Variants in ANAPC1 observed in about 807,000 individuals in gnomAD.
The protein encoded by ANAPC1 is anaphase-promoting complex subunit 1.
ANAPC1 carries 36 observed loss-of-function variants against 208.0 expected under a neutral mutation model. The ratio of observed to expected loss-of-function variants is 0.17; its 90% CI spans 0.13 to 0.23. ANAPC1 has a LOEUF of 0.23. Ranked by LOEUF, ANAPC1 falls within the 10% of genes least tolerant of loss-of-function variation. ANAPC1 has a pLI of 1.00. For synonymous variants in ANAPC1, 378 were observed against 695.2 expected (o/e 0.54, Z 7.18); for missense variants, 942 against 2,011.6 (o/e 0.47, Z 10.17).
chr2:111,767,124 GTAGA>G, downstream of ANAPC1: 1 of 374,412 alleles, frequency 2.7e-6, no homozygotes, highest in East Asian at 7.9e-5. Context: ...ATCTATCTAA[GTAGA>G]AAAGATGGGC....
intron 24 of ANAPC1, among the ~76,000 whole-genome samples, chr2:111,823,782 A>G (rs929520135): frequency 2.6e-5 from 4 of 151,880 alleles, no homozygotes; most frequent in African/African-American, 9.7e-5. Flanking sequence ...AGGTAACACA[A>G]ATGTAGGTAG....
At chr2:111,821,160 T>C (rs1664053687) in intron 26 of ANAPC1, 79 bp downstream of exon 26, 1 of 1,539,214 alleles carries the variant, frequency 6.5e-7, no homozygotes, top group Admixed American at 1.7e-5. Context: ...GCTAAAAACT[T>C]GAAGGAAAAA....
chr2:111,863,237 G>A (rs1682177403), intron 9 of ANAPC1, among the ~76,000 whole-genome samples: 3 of 151,926 alleles, frequency 2.0e-5, no homozygotes, highest in Admixed American at 6.6e-5. Flanking sequence ...GGCTGAGCAC[G>A]GTGGCTCACG....
chr2:111,826,245 G>A (rs887131470), intron 21 of ANAPC1, among the ~76,000 whole-genome samples: 3 of 152,062 alleles, frequency 2.0e-5, no homozygotes, highest in African/African-American at 7.3e-5. Context: ...ATCCATTTTA[G>A]GTGTACAGCT....
chr2:111,841,910 T>G (rs1680786827), intron 17 of ANAPC1, among the ~76,000 whole-genome samples: 1 of 152,204 alleles, frequency 6.6e-6, no homozygotes, highest in Non-Finnish European at 1.5e-5. Flanking sequence ...TGGCAAAGGT[T>G]CACCACACCA....
chr2:111,880,439 G>C (rs1052484764), intron 2 of ANAPC1, 174 bp downstream of exon 2: 2 of 1,092,928 alleles, frequency 1.8e-6, no homozygotes, highest in African/African-American at 1.6e-5. Flanking sequence ...TAAATAAGTC[G>C]CTATGACAAT....
intron 1 of ANAPC1, among the ~76,000 whole-genome samples, chr2:111,882,589 T>C (rs1375851368): frequency 6.7e-5 from 10 of 149,310 alleles, no homozygotes; most frequent in Non-Finnish European, 1.3e-4. Flanking sequence ...AAAAAAAAAA[T>C]TACTCAGGCA....
rs1404189997 is a variant in ANAPC1, at chr2:111,839,032, C to A, written c.2041-520G>T. Among the ~76,000 whole-genome samples the A allele has an allele frequency of 2.0e-5, 3 of 152,170 alleles. No individual in the cohort carries two copies. In the East Asian group the frequency reaches 5.8e-4, roughly 29 times the overall value. On this transcript the variant is annotated intron_variant, in intron 17 of 47. Transcript: ENST00000341068. ...CAGCCAGACTACATACATACGTCTG[C>A]CTCCTTTGAAGTTAGGTGTGACCCT...
rs1317311469 is a variant in ANAPC1 at position 111,865,096 on chromosome 2, C to T, written c.686-145G>A. 3 of 619,790 alleles carry T rather than the reference C, an allele frequency of 4.8e-6. No homozygotes were observed. The East Asian group carries it at 1.0e-4, about 21-fold the overall frequency. 38.4% of individuals were successfully genotyped at this position (619,790 alleles called of 1,614,324 possible). ...ATTTATTACTATCTTAAATAATTAA[C>T]TCTGAATTTTTAATAAATTTACTTT... On this transcript the variant is annotated intron_variant, in intron 7 of 47. Transcript: ENST00000341068.
At chr2:111,799,415 C>G (rs1678331434) in intron 34 of ANAPC1, among the ~76,000 whole-genome samples, 1 of 152,176 alleles carries the variant, frequency 6.6e-6, no homozygotes, top group South Asian at 2.1e-4. Flanking sequence ...CTAAATATAC[C>G]ATCTACCCTA....
rs748100620 is a variant in ANAPC1, at chr2:111,825,134, T to C, written c.2738A>G (p.Asn913Ser). ...GCACAGTCTAAATAAAAGTCACCTG[T>C]TTTCCTCTTGTTCTACTTGCAACTT... ...PQKLQVEQEE[N>S]RFSFRHSTSV... The change falls in exon 23 of 48, where the codon AAC (asparagine) becomes AGC (serine). Residue 913 changes from asparagine to serine, a missense_variant. Physicochemically the swap from Asn to Ser is conservative, Grantham distance 46 (BLOSUM62 1). Coordinates refer to ENST00000341068, the MANE Select transcript of ANAPC1 (RefSeq NM_022662.4). 4 of 1,613,892 alleles carry C rather than the reference T, an allele frequency of 2.5e-6. No individual in the cohort carries two copies. The highest frequency in any genetic ancestry group is 2.7e-5 in the African/African-American group (2 of 75,032).
chr2:111,810,457 T>C (rs1233619659), intron 28 of ANAPC1, among the ~76,000 whole-genome samples: 1 of 152,020 alleles, frequency 6.6e-6, no homozygotes, highest in African/African-American at 2.4e-5. Flanking sequence ...AAACAGTGAA[T>C]TGTATGGTAT....
intron 19 of ANAPC1, among the ~76,000 whole-genome samples, chr2:111,833,551 T>C (rs1460799761): frequency 1.3e-5 from 2 of 151,984 alleles, no homozygotes; most frequent in African/African-American, 4.8e-5. Context: ...GTGATCTAGT[T>C]CCTCCTCTGC....
chr2:111,794,226 T>G lies in ANAPC1; in HGVS notation c.4464+7A>C, dbSNP rs1558670453. 5 of 1,604,916 alleles carry G rather than the reference T, an allele frequency of 3.1e-6. No individual in the cohort carries two copies. The highest frequency in any genetic ancestry group is 3.4e-6 in the Non-Finnish European group (4 of 1,177,150). On this transcript the variant is annotated splice_region_variant and intron_variant, in intron 36 of 47. Transcript: ENST00000341068. ...AAAAGAACACAGTAAACTAAAATAC[T>G]TCTTACCAAACAGTTAAATGCTGAT...
intron 24 of ANAPC1, among the ~76,000 whole-genome samples, chr2:111,824,724 A>G (rs974930519): frequency 1.3e-5 from 2 of 152,234 alleles, no homozygotes; most frequent in African/African-American, 4.8e-5. Flanking sequence ...ACAGCCTCAA[A>G]TGTTCCAATT....
intron 46 of ANAPC1, among the ~76,000 whole-genome samples, chr2:111,774,476 T>C (rs1434636773): frequency 5.6e-5 from 1 of 17,878 alleles, no homozygotes; most frequent in Non-Finnish European, 1.2e-4. Context: ...GAGATTCTTC[T>C]TTGAACAGCT....
chr2:111,856,500 T>C, intron 13 of ANAPC1, 114 bp downstream of exon 13: 2 of 1,055,496 alleles, frequency 1.9e-6, no homozygotes, highest in Non-Finnish European at 1.4e-6. Flanking sequence ...TTCTGCCAAA[T>C]TGTGCAGACA....
chr2:111,877,005 G>T (rs1173638662), intron 3 of ANAPC1, among the ~76,000 whole-genome samples: 1 of 151,928 alleles, frequency 6.6e-6, no homozygotes, highest in Non-Finnish European at 1.5e-5. Context: ...ATATTTGTTT[G>T]TGTGTGTGCA....
chr2:111,877,653 G>A lies in ANAPC1; in HGVS notation c.375+1157C>T, dbSNP rs112196706. Among the ~76,000 whole-genome samples the A allele has an allele frequency of 1.2e-4, 19 of 152,128 alleles. No individual in the cohort carries two copies. In the East Asian group the frequency reaches 2.9e-3, roughly 23 times the overall value. On this transcript the variant is annotated intron_variant, in intron 3 of 47. Coordinates refer to ENST00000341068, the MANE Select transcript of ANAPC1 (RefSeq NM_022662.4). ...AACAAAATTAGCCGGGTGTGGTGGC[G>A]GGCAACTGCAGTCCCAGCTACTCGG... is the stretch of plus-strand genomic sequence containing the variant.
Sources: gnomAD v4.1 joint callset for allele counts (sites outside exome capture counted in the v4.1 genomes callset) on GRCh38, gnomAD v4.1.1 for gene constraint, MANE v1.5 for transcripts, NCBI Gene and HGNC (gene_info 2026-07-23, HGNC 2026-07-21) for gene names.